ADAD1: variants seen among roughly 807,000 people sequenced by gnomAD.
ADAD1 encodes adenosine deaminase domain-containing protein 1.
Under a neutral mutation model 66.8 loss-of-function variants are expected in ADAD1, and 46 were observed. The observed-to-expected ratio is 0.69, with a 90% CI of 0.54 to 0.88. ADAD1 has a LOEUF of 0.88. Among genes scored for constraint, ADAD1 ranks in the 40% least tolerant of loss-of-function variants. The pLI, the probability that ADAD1 is intolerant of heterozygous loss-of-function variation, is 0.00. For synonymous variants in ADAD1, 248 were observed against 229.4 expected, an observed-to-expected ratio of 1.08 and a Z score of -0.73; for missense variants, 617 against 681.8, an observed-to-expected ratio of 0.91 and a Z score of 1.06.
At chr4:122,396,140 C>T in intron 6 of ADAD1, 112 bp from the exon 7 acceptor site, 5 of 910,720 alleles carry the variant, frequency 5.5e-6, no homozygotes, top group Non-Finnish European at 7.3e-6. Flanking sequence ...AATTTGCTTA[C>T]AGATGTCTAT....
chr4:122,407,947 A>C lies in ADAD1; in HGVS notation c.764A>C (p.Tyr255Ser), dbSNP rs1387388296. 19 of 1,613,844 alleles carry C rather than the reference A, an allele frequency of 1.2e-5. No individual in the cohort carries two copies. Among genetic ancestry groups the C allele is most frequent in the Non-Finnish European group, 1.6e-5 (19 of 1,179,816 alleles). The change falls in exon 8 of 13, where the codon TAC becomes TCC. Residue 255 changes from tyrosine (Y) to serine (S), a missense_variant. By Grantham distance (144) the Tyr-to-Ser change is moderately radical. Coordinates refer to ENST00000296513, the MANE Select transcript of ADAD1 (RefSeq NM_139243.4). ...HEVVAIGTGE[Y>S]NYSQDIKPDG... Reference sequence around the variant, plus strand: ...GTTGTAGCTATAGGCACAGGTGAATACAATTACAGCCAGGACATTAAGCCA... The same window carrying C: ...GTTGTAGCTATAGGCACAGGTGAATCCAATTACAGCCAGGACATTAAGCCA...
intron 7 of ADAD1, among the ~76,000 whole-genome samples, chr4:122,405,007 G>C (rs1183666457): frequency 1.3e-5 from 2 of 152,160 alleles, no homozygotes; most frequent in African/African-American, 2.4e-5. Context: ...GAGTTACAGA[G>C]CTGAGAAAGA....
At chr4:122,422,071 T>C (rs1797022157) in intron 12 of ADAD1, among the ~76,000 whole-genome samples, 2 of 151,992 alleles carry the variant, frequency 1.3e-5, no homozygotes, top group Non-Finnish European at 1.5e-5. Context: ...ATATTGGGTA[T>C]GGTATGTTTT....
At chr4:122,427,771 A>G (rs1797320396) in intron 12 of ADAD1, among the ~76,000 whole-genome samples, 1 of 151,874 alleles carries the variant, frequency 6.6e-6, no homozygotes, top group South Asian at 2.1e-4. Context: ...TCTGACCTCA[A>G]GTGCTCCACC....
At chr4:122,382,133 G>A (rs1231534231) in intron 4 of ADAD1, among the ~76,000 whole-genome samples, 1 of 152,158 alleles carries the variant, frequency 6.6e-6, no homozygotes. Context: ...CTTTCCTCCA[G>A]TAATCTCACA....
chr4:122,385,150 T>C (rs934083898), intron 5 of ADAD1, among the ~76,000 whole-genome samples: 5 of 152,232 alleles, frequency 3.3e-5, no homozygotes, highest in Non-Finnish European at 7.3e-5. Context: ...CTCCTTCTTA[T>C]TCACAACATA....
chr4:122,402,443 G>A (rs901408544), intron 7 of ADAD1, among the ~76,000 whole-genome samples: 5 of 152,020 alleles, frequency 3.3e-5, no homozygotes, highest in African/African-American at 1.2e-4. Context: ...CCTTCATCTT[G>A]ACTTTAGATA....
intron 7 of ADAD1, among the ~76,000 whole-genome samples, chr4:122,401,389 T>G (rs1401245258): frequency 1.3e-5 from 2 of 152,172 alleles, no homozygotes; most frequent in African/African-American, 4.8e-5. Context: ...TTTCTTAAAT[T>G]TACTGAGACT....
chr4:122,385,707 TA>T (rs1795141973), intron 5 of ADAD1, among the ~76,000 whole-genome samples: 1 of 152,098 alleles, frequency 6.6e-6, no homozygotes, highest in Non-Finnish European at 1.5e-5. Flanking sequence ...TCCCACCCCC[TA>T]AAAGGCCCTG....
chr4:122,428,645 A>C (rs527345505), intron 12 of ADAD1, among the ~76,000 whole-genome samples: 2 of 152,382 alleles, frequency 1.3e-5, no homozygotes, highest in South Asian at 4.1e-4. Context: ...GAAGCCTGAC[A>C]TAACAGGATC....
At chr4:122,382,078 G>A (rs1222852399) in intron 4 of ADAD1, among the ~76,000 whole-genome samples, 1 of 152,174 alleles carries the variant, frequency 6.6e-6, no homozygotes, top group African/African-American at 2.4e-5. Flanking sequence ...CATAGATGGT[G>A]GTGGTAATGT....
At chr4:122,399,361 A>G (rs1278015181) in intron 7 of ADAD1, among the ~76,000 whole-genome samples, 1 of 152,134 alleles carries the variant, frequency 6.6e-6, no homozygotes, top group East Asian at 1.9e-4. Flanking sequence ...TACCAATACC[A>G]ATACCATGTT....
At position 122,383,833 on chromosome 4, in the gene ADAD1, T is replaced by G; in HGVS notation, c.396T>G (p.Ala132=). 1 of 1,610,472 alleles carries G rather than the reference T, an allele frequency of 6.2e-7. No homozygotes were observed. Among genetic ancestry groups the G allele is most frequent in the Non-Finnish European group, 8.5e-7 (1 of 1,178,960 alleles). The change falls in exon 5 of 13, where the codon GCT becomes GCG. Residue 132 remains alanine, a synonymous_variant. Coordinates refer to ENST00000296513, the MANE Select transcript of ADAD1 (RefSeq NM_139243.4). The part of the protein sequence containing the change: ...NVMGPYFAFC[A]VVDGIQYKTG... The stretch of plus-strand genomic sequence containing the variant: ...TGGGACCATATTTTGCCTTTTGTGC[T>G]GTGGTGGATGGTATTCAGTACAAGA...
intron 12 of ADAD1, among the ~76,000 whole-genome samples, chr4:122,428,262 A>G (rs935147732): frequency 6.6e-6 from 1 of 152,194 alleles, no homozygotes; most frequent in Non-Finnish European, 1.5e-5. Flanking sequence ...TGTGATACCA[A>G]AAGTATAACC....
intron 5 of ADAD1, among the ~76,000 whole-genome samples, chr4:122,386,149 A>C (rs928872121): frequency 6.6e-6 from 1 of 152,206 alleles, no homozygotes; most frequent in Non-Finnish European, 1.5e-5. Context: ...ACTAATTTAC[A>C]TTCCCACCAA....
At chr4:122,408,137 C>A in intron 8 of ADAD1, 106 bp downstream of exon 8, 1 of 1,184,916 alleles carries the variant, frequency 8.4e-7, no homozygotes, top group Non-Finnish European at 1.1e-6. Context: ...GATCATAGAG[C>A]CAAGGATGTC....
chr4:122,410,752 A>G (rs1796430647), intron 8 of ADAD1, among the ~76,000 whole-genome samples: 1 of 152,162 alleles, frequency 6.6e-6, no homozygotes, highest in South Asian at 2.1e-4. Flanking sequence ...TATTGTTCCT[A>G]TGCTCTTGTA....
intron 7 of ADAD1, among the ~76,000 whole-genome samples, chr4:122,400,416 T>C (rs1226379868): frequency 5.3e-5 from 8 of 152,172 alleles, no homozygotes; most frequent in African/African-American, 1.9e-4. Context: ...AGTATTTTTG[T>C]TGAGGATTTT....
intron 9 of ADAD1, among the ~76,000 whole-genome samples, chr4:122,412,263 A>G (rs1796499661): frequency 6.6e-6 from 1 of 152,200 alleles, no homozygotes; most frequent in African/African-American, 2.4e-5. Flanking sequence ...AAATTTTCAT[A>G]CAGAGGAAGG....
Sources: gnomAD v4.1 joint callset for allele counts (sites outside exome capture counted in the v4.1 genomes callset) on GRCh38, gnomAD v4.1.1 for gene constraint, MANE v1.5 for transcripts, NCBI Gene and HGNC (gene_info 2026-07-23, HGNC 2026-07-21) for gene names.